The following GPC6 variants were observed in gnomAD, a reference collection of about 807,000 sequenced individuals.
The protein encoded by GPC6 is glypican 6.
A neutral mutation model predicts 55.2 loss-of-function variants in GPC6; 14 were observed. The ratio of observed to expected loss-of-function variants is 0.25; its 90% CI spans 0.17 to 0.40. GPC6 has a LOEUF of 0.40. GPC6 is among the 10% of genes least tolerant of loss of function. GPC6 has a pLI of 1.00. For missense variants in GPC6, 641 were observed against 708.5 expected, an observed-to-expected ratio of 0.90 and a Z score of 1.08; for synonymous variants, 278 against 259.6, an observed-to-expected ratio of 1.07 and a Z score of -0.68.
At chr13:94,066,325 G>C (rs911206894) in intron 4 of GPC6, among the ~76,000 whole-genome samples, 3 of 152,048 alleles carry the variant, frequency 2.0e-5, no homozygotes, top group Admixed American at 1.3e-4. Flanking sequence ...GTATTTACTA[G>C]AAAGAATAAT....
At chr13:94,020,091 T>A (rs1048181086) in intron 3 of GPC6, among the ~76,000 whole-genome samples, 3 of 152,168 alleles carry the variant, frequency 2.0e-5, no homozygotes, top group Non-Finnish European at 4.4e-5. Context: ...TTTTTCTAGT[T>A]CCTTAAGGTA....
intron 3 of GPC6, among the ~76,000 whole-genome samples, chr13:93,966,405 T>C (rs1880045367): frequency 6.6e-6 from 1 of 152,202 alleles, no homozygotes; most frequent in Non-Finnish European, 1.5e-5. Context: ...ACTTTTCTTT[T>C]GCTTCATATG....
chr13:93,927,234 TAAAC>T (rs1566607137), intron 3 of GPC6, among the ~76,000 whole-genome samples: 1 of 152,188 alleles, frequency 6.6e-6, no homozygotes, highest in Non-Finnish European at 1.5e-5. Context: ...AGTCTCATAA[TAAAC>T]AAAACAAATA....
At chr13:93,972,613 C>A (rs1880333129) in intron 3 of GPC6, among the ~76,000 whole-genome samples, 1 of 152,060 alleles carries the variant, frequency 6.6e-6, no homozygotes, top group Non-Finnish European at 1.5e-5. Flanking sequence ...TGTGAGTTCT[C>A]TCTTCTACTT....
At chr13:93,223,657 T>C (rs576788482), upstream of GPC6, among the ~76,000 whole-genome samples, 86 of 152,218 alleles carry the variant, frequency 5.6e-4, no homozygotes, top group South Asian at 0.017. Context: ...TTGGCTAGCC[T>C]GGTCTCTAAC....
chr13:93,969,325 A>G (rs1340445921), intron 3 of GPC6, among the ~76,000 whole-genome samples: 1 of 152,174 alleles, frequency 6.6e-6, no homozygotes, highest in Admixed American at 6.5e-5. Context: ...CTGCAGTGAG[A>G]GCCACTAGAA....
chr13:93,730,544 T>C (rs559657660), intron 2 of GPC6, among the ~76,000 whole-genome samples: 2 of 152,244 alleles, frequency 1.3e-5, no homozygotes, highest in East Asian at 3.9e-4. Flanking sequence ...TAGTCCCTGC[T>C]CTGTGCCATT....
intron 2 of GPC6, among the ~76,000 whole-genome samples, chr13:93,577,949 G>A (rs1324608540): frequency 6.6e-6 from 1 of 151,986 alleles, no homozygotes; most frequent in African/African-American, 2.4e-5. Context: ...ATACTTTTCA[G>A]CATCAATTGA....
chr13:93,743,969 A>G (rs961263567), intron 2 of GPC6, among the ~76,000 whole-genome samples: 1 of 152,214 alleles, frequency 6.6e-6, no homozygotes, highest in African/African-American at 2.4e-5. Context: ...TAGTGAAATT[A>G]ATGTATAAAA....
intron 1 of GPC6, among the ~76,000 whole-genome samples, chr13:93,455,760 CTT>C (rs1015090619): frequency 3.3e-5 from 5 of 152,106 alleles, no homozygotes; most frequent in African/African-American, 1.2e-4. Flanking sequence ...CATTGTGTCT[CTT>C]TTCTCCATTC....
intron 4 of GPC6, among the ~76,000 whole-genome samples, chr13:94,270,544 A>G (rs1226717806): frequency 1.3e-5 from 2 of 152,248 alleles, no homozygotes; most frequent in Non-Finnish European, 2.9e-5. Context: ...GTATCACAAA[A>G]TATTCGAAGT....
chr13:93,305,987 G>C (rs897827518), intron 1 of GPC6, among the ~76,000 whole-genome samples: 3 of 152,182 alleles, frequency 2.0e-5, no homozygotes, highest in African/African-American at 7.2e-5. Flanking sequence ...GTTTTAAAAT[G>C]TGCTTGTTTC....
chr13:93,331,689 A>G (rs557124687), intron 1 of GPC6, among the ~76,000 whole-genome samples: 3 of 152,160 alleles, frequency 2.0e-5, no homozygotes, highest in Non-Finnish European at 4.4e-5. Flanking sequence ...TGTAACTCAT[A>G]TTATTTGTCC....
At chr13:93,827,331 A>T (rs964126986) in intron 2 of GPC6, among the ~76,000 whole-genome samples, 3 of 152,196 alleles carry the variant, frequency 2.0e-5, no homozygotes, top group Admixed American at 2.0e-4. Context: ...GTTTGCTGAG[A>T]AACAATTTTC....
chr13:93,424,202 G>A (rs1362836284), intron 1 of GPC6, among the ~76,000 whole-genome samples: 2 of 152,064 alleles, frequency 1.3e-5, no homozygotes, highest in East Asian at 1.9e-4. Context: ...TAGTTGCCAC[G>A]AGGCCCTCAG....
chr13:93,587,412 T>C (rs73541573), intron 2 of GPC6, among the ~76,000 whole-genome samples: 9,485 of 152,172 alleles, frequency 0.062, 943 homozygotes, highest in African/African-American at 0.21. Flanking sequence ...TCTTCTAGCT[T>C]TTATATCTTT....
intron 3 of GPC6, among the ~76,000 whole-genome samples, chr13:93,947,097 A>G (rs1879042232): frequency 6.6e-6 from 1 of 152,194 alleles, no homozygotes; most frequent in African/African-American, 2.4e-5. Flanking sequence ...AGTGATTCTT[A>G]TAATTTTTGG....
chr13:94,006,825 A>T (rs923511882), intron 3 of GPC6, among the ~76,000 whole-genome samples: 1 of 152,162 alleles, frequency 6.6e-6, no homozygotes, highest in African/African-American at 2.4e-5. Context: ...GAGATTAAAT[A>T]TATTAAAGTT....
intron 6 of GPC6, among the ~76,000 whole-genome samples, chr13:94,373,628 G>C (rs1879694564): frequency 6.6e-6 from 1 of 152,002 alleles, no homozygotes; most frequent in South Asian, 2.1e-4. Context: ...GAACCAAGTT[G>C]GAAAACACTC....
Sources: allele counts gnomAD v4.1 joint callset (sites outside exome capture counted in the v4.1 genomes callset), GRCh38; gene constraint gnomAD v4.1.1; transcripts MANE v1.5; gene names NCBI Gene and HGNC (gene_info 2026-07-23, HGNC 2026-07-21).